DPYD: variants seen among roughly 807,000 people sequenced by gnomAD.
DPYD encodes the protein dihydropyrimidine dehydrogenase [NADP(+)].
DPYD carries 109 observed loss-of-function variants against 116.2 expected under a neutral mutation model. The ratio of observed to expected loss-of-function variants is 0.94; its 90% CI spans 0.80 to 1.10. DPYD has a LOEUF of 1.10. Among genes scored for constraint, DPYD ranks in the 50% least tolerant of loss-of-function variants. The pLI is 0.00. For missense variants in DPYD, 1,302 were observed against 1,254.5 expected, an observed-to-expected ratio of 1.04 and a Z score of -0.57; for synonymous variants, 440 against 432.0, an observed-to-expected ratio of 1.02 and a Z score of -0.23.
At chr1:97,807,883 T>C (rs907316478) in intron 3 of DPYD, among the ~76,000 whole-genome samples, 3 of 152,068 alleles carry the variant, frequency 2.0e-5, no homozygotes, top group African/African-American at 7.2e-5. Context: ...GGTTCCAGTA[T>C]CATTTATCGA....
chr1:97,304,911 T>C (rs1667067483), intron 18 of DPYD, among the ~76,000 whole-genome samples: 1 of 151,854 alleles, frequency 6.6e-6, no homozygotes, highest in South Asian at 2.1e-4. Context: ...GTCCAGACCA[T>C]GAAAAAGATA....
intron 16 of DPYD, among the ~76,000 whole-genome samples, chr1:97,326,943 AC>A (rs754707296): frequency 4.6e-5 from 7 of 152,060 alleles, no homozygotes; most frequent in Non-Finnish European, 8.8e-5. Context: ...CTGTTATGTT[AC>A]AAGGCAATAA....
intron 14 of DPYD, among the ~76,000 whole-genome samples, chr1:97,420,746 T>C (rs1335202335): frequency 6.6e-6 from 1 of 152,162 alleles, no homozygotes; most frequent in East Asian, 1.9e-4. Context: ...TTTCTCAAAC[T>C]TCAAAGGTAC....
intron 20 of DPYD, among the ~76,000 whole-genome samples, chr1:97,156,821 T>G (rs1655496207): frequency 6.6e-6 from 1 of 152,056 alleles, no homozygotes; most frequent in Non-Finnish European, 1.5e-5. Context: ...TGCACACGTA[T>G]GTTTATTGTG....
intron 16 of DPYD, among the ~76,000 whole-genome samples, chr1:97,322,243 ATAAT>A (rs1417081698): frequency 2.0e-5 from 3 of 149,282 alleles, no homozygotes; most frequent in African/African-American, 4.9e-5. Flanking sequence ...ATAAAAAAAA[ATAAT>A]AAATAAATAA....
In DPYD at chr1:97,106,338, G is replaced by A. The variant is rs532744099; in HGVS notation, c.2623-7706C>T. Reference sequence around the variant, plus strand: ...GGAGCTGGTAAAACATTATTTGTGGGTGTGTTTGTCAGAGTGTTTCCAGAA... The same window carrying A: ...GGAGCTGGTAAAACATTATTTGTGGATGTGTTTGTCAGAGTGTTTCCAGAA... On this transcript the variant is annotated intron_variant, in intron 20 of 22. Transcript: ENST00000370192. Among the ~76,000 whole-genome samples the A allele has an allele frequency of 9.0e-4, 137 of 152,138 alleles. 1 individual carries two copies. Among genetic ancestry groups the A allele is most frequent in the Admixed American group, 2.0e-4 (3 of 15,266 alleles).
intron 3 of DPYD, among the ~76,000 whole-genome samples, chr1:97,795,268 C>T (rs61786607): frequency 2.0e-5 from 3 of 152,026 alleles, no homozygotes; most frequent in Non-Finnish European, 4.4e-5. Context: ...CAGTTTACTA[C>T]ATATTCACCA....
At chr1:97,775,197 G>A (rs1382080018) in intron 3 of DPYD, among the ~76,000 whole-genome samples, 1 of 151,916 alleles carries the variant, frequency 6.6e-6, no homozygotes, top group Non-Finnish European at 1.5e-5. Context: ...TTAGATAAAT[G>A]GTATATTTTC....
chr1:97,163,741 T>C (rs1331841905), intron 20 of DPYD, among the ~76,000 whole-genome samples: 1 of 152,166 alleles, frequency 6.6e-6, no homozygotes, highest in Admixed American at 6.5e-5. Context: ...ATCTCATTCA[T>C]GAGTTTGGAG....
chr1:97,089,789 CA>C lies in DPYD; in HGVS notation c.2767-7320del, dbSNP rs1649767876. Among the ~76,000 whole-genome samples, 3 of 149,778 alleles carry C rather than the reference CA, an allele frequency of 2.0e-5. No individual in the cohort carries two copies. In the South Asian group the frequency reaches 6.4e-4, roughly 32 times the overall value. On this transcript the variant is annotated intron_variant, in intron 21 of 22. Transcript: ENST00000370192. ...TGTCCCCAGGGCCCCAGATCATTCC[CA>C]GGGGTAGGACGGAGGGCCTCTGAGG... is the stretch of plus-strand genomic sequence containing the variant.
chr1:97,882,033 C>G (rs1359267283), intron 2 of DPYD, among the ~76,000 whole-genome samples: 1 of 151,356 alleles, frequency 6.6e-6, no homozygotes, highest in Non-Finnish European at 1.5e-5. Context: ...AGAAAAAAAA[C>G]TATAATAAAA....
At chr1:97,909,755 T>C (rs1332484636) in intron 1 of DPYD, among the ~76,000 whole-genome samples, 2 of 152,098 alleles carry the variant, frequency 1.3e-5, no homozygotes, top group African/African-American at 4.8e-5. Context: ...CTTTAAGTAA[T>C]CTTACTCAGT....
intron 2 of DPYD, among the ~76,000 whole-genome samples, chr1:97,872,692 CAAAG>C (rs1356829642): frequency 6.6e-6 from 1 of 151,926 alleles, no homozygotes; most frequent in Non-Finnish European, 1.5e-5. Context: ...ATATCACAAA[CAAAG>C]AATGTGCCTT....
chr1:97,167,883 A>G lies in DPYD; in HGVS notation c.2622+25186T>C, dbSNP rs181033445. On this transcript the variant is annotated intron_variant, in intron 20 of 22. Coordinates refer to ENST00000370192, the MANE Select transcript of DPYD (RefSeq NM_000110.4). ...AAAGTAGTTATTTCTAAAATTCACA[A>G]GTTTGTAGCTCTTTATTACCAATCT... is the stretch of plus-strand genomic sequence containing the variant. 5.3e-4 allele frequency among the ~76,000 whole-genome samples: 80 copies of G among 152,306 alleles called. No individual in the cohort carries two copies. In the East Asian group the frequency reaches 0.014, roughly 26 times the overall value.
chr1:97,102,459 T>TTATCTATCTATCTATCTATCTATC lies in DPYD; in HGVS notation c.2623-3851_2623-3828dup, dbSNP rs1236741247. ...TTATTCAGTATAAACCTGAAATCTA[T>TTATCTATCTATCTATCTATCTATC]TATCTATCTATCTATCTATCTATCT... is the stretch of plus-strand genomic sequence containing the variant. On this transcript the variant is annotated intron_variant, in intron 20 of 22. Coordinates refer to ENST00000370192, the MANE Select transcript of DPYD (RefSeq NM_000110.4). 6.4e-4 allele frequency among the ~76,000 whole-genome samples: 80 copies of TTATCTATCTATCTATCTATCTATC among 125,100 alleles called. 1 individual carries two copies. The highest frequency in any genetic ancestry group is 9.8e-4 in the Admixed American group (11 of 11,174). 82.1% of individuals were successfully genotyped at this position (125,100 alleles called of 152,430 possible). A position where few individuals can be genotyped will look rare whatever the true frequency, so the allele number is the denominator to read the frequency against.
intron 2 of DPYD, among the ~76,000 whole-genome samples, chr1:97,840,946 A>C (rs1670007532): frequency 6.6e-6 from 1 of 152,122 alleles, no homozygotes; most frequent in Admixed American, 6.5e-5. Flanking sequence ...ACTGGAAGAA[A>C]GTGTAGGTGT....
chr1:97,506,335 C>A (rs1487926646), intron 13 of DPYD, among the ~76,000 whole-genome samples: 2 of 151,898 alleles, frequency 1.3e-5, no homozygotes, highest in African/African-American at 4.8e-5. Flanking sequence ...TTCAATCCAA[C>A]TAATTTCAAC....
intron 14 of DPYD, among the ~76,000 whole-genome samples, chr1:97,433,995 T>A (rs549906816): frequency 6.6e-6 from 1 of 152,172 alleles, no homozygotes; most frequent in African/African-American, 2.4e-5. Flanking sequence ...TCCCCACCCA[T>A]ACTTTGTAAC....
At chr1:97,409,514 A>G (rs893458276) in intron 14 of DPYD, among the ~76,000 whole-genome samples, 1 of 152,192 alleles carries the variant, frequency 6.6e-6, no homozygotes, top group Admixed American at 6.5e-5. Context: ...TGAAAGAATC[A>G]TTGAGATGTA....
Sources: gnomAD v4.1 joint callset for allele counts (sites outside exome capture counted in the v4.1 genomes callset) on GRCh38, gnomAD v4.1.1 for gene constraint, MANE v1.5 for transcripts, NCBI Gene and HGNC (gene_info 2026-07-23, HGNC 2026-07-21) for gene names.